Variants in C1orf87 observed in about 807,000 individuals in gnomAD.
C1orf87 encodes uncharacterized protein C1orf87.
C1orf87 carries 58 observed loss-of-function variants against 60.5 expected under a neutral mutation model. That is an observed-to-expected ratio of 0.96 (90% CI 0.78 to 1.19). The LOEUF (loss-of-function observed/expected upper bound fraction) is 1.19. C1orf87 is among the 50% of genes most tolerant of loss of function. The probability of loss-of-function intolerance (pLI) is 0.00; values close to 1 mark genes in which losing one functional copy is unlikely to be tolerated. For missense variants in C1orf87, 673 were observed against 638.6 expected, an observed-to-expected ratio of 1.05 and a Z score of -0.58; for synonymous variants, 236 against 227.4, an observed-to-expected ratio of 1.04 and a Z score of -0.34.
intron 2 of C1orf87, among the ~76,000 whole-genome samples, chr1:60,059,006 C>A (rs1311711087): frequency 6.6e-6 from 1 of 152,122 alleles, no homozygotes. Flanking sequence ...AATGTATCTG[C>A]CTGTCTTTTA....
chr1:60,001,100 A>G lies in C1orf87; in HGVS notation c.1249T>C (p.Ser417Pro), dbSNP rs1263887909. 6.2e-7 allele frequency: 1 copy of G among 1,609,068 alleles called. No individual in the cohort carries two copies. Among genetic ancestry groups the G allele is most frequent in the African/African-American group, 1.3e-5 (1 of 74,472 alleles). Residue 417 changes from serine to proline, a missense_variant, in exon 10 of 12, where the codon TCT (serine) becomes CCT (proline). Coordinates refer to ENST00000371201, the MANE Select transcript of C1orf87 (RefSeq NM_152377.3). ...ACCATATGTTCAGTTTTGCTTTGAG[A>G]CATCTCGGGGACTTCAGGCTCCATT... ...PPMEPEVPEMSQSKTEHMKTP... is the reference protein window; with the variant it reads ...PPMEPEVPEMPQSKTEHMKTP...
intron 2 of C1orf87, among the ~76,000 whole-genome samples, chr1:60,060,114 A>G (rs1419879087): frequency 6.7e-6 from 1 of 149,492 alleles, no homozygotes; most frequent in Non-Finnish European, 1.5e-5. Flanking sequence ...ATGTCATGGA[A>G]CCATACCATG....
chr1:60,058,841 A>G (rs1392740039), intron 2 of C1orf87, among the ~76,000 whole-genome samples: 9 of 152,198 alleles, frequency 5.9e-5, no homozygotes, highest in Non-Finnish European at 1.5e-5. Flanking sequence ...GCAGGTAACC[A>G]AAGTAGGAAG....
At chr1:60,068,793 C>T (rs1645565539) in intron 2 of C1orf87, among the ~76,000 whole-genome samples, 1 of 152,102 alleles carries the variant, frequency 6.6e-6, no homozygotes, top group Non-Finnish European at 1.5e-5. Context: ...GTCCACAAGC[C>T]TCTGACTCTG....
intron 10 of C1orf87, among the ~76,000 whole-genome samples, chr1:59,998,654 T>C (rs1371524386): frequency 6.6e-6 from 1 of 152,128 alleles, no homozygotes. Flanking sequence ...GGGCATCTAA[T>C]ACAAAATGAA....
intron 1 of C1orf87, among the ~76,000 whole-genome samples, chr1:60,073,466 G>A (rs987256038): frequency 6.6e-6 from 1 of 152,202 alleles, no homozygotes; most frequent in Non-Finnish European, 1.5e-5. Flanking sequence ...TGAAGGACGG[G>A]ACTGTTTCCA....
At chr1:60,020,010 G>T (rs781315315) in intron 8 of C1orf87, among the ~76,000 whole-genome samples, 1 of 152,200 alleles carries the variant, frequency 6.6e-6, no homozygotes, top group Admixed American at 6.5e-5. Context: ...CATTTTCTGG[G>T]GAGAAAGTCA....
intron 8 of C1orf87, among the ~76,000 whole-genome samples, chr1:60,022,851 T>C (rs1041201042): frequency 6.6e-6 from 1 of 152,168 alleles, no homozygotes; most frequent in Non-Finnish European, 1.5e-5. Flanking sequence ...CCAAGACAGC[T>C]ACTAAGTGAT....
At chr1:60,019,818 T>A (rs571506003) in intron 8 of C1orf87, among the ~76,000 whole-genome samples, 83 of 152,302 alleles carry the variant, frequency 5.4e-4, no homozygotes, top group Middle Eastern at 3.4e-3. Context: ...ATTTAGGGTA[T>A]CTGGCAGAAG....
intron 3 of C1orf87, among the ~76,000 whole-genome samples, chr1:60,046,324 C>T (rs1645368902): frequency 7.5e-6 from 1 of 133,300 alleles, no homozygotes; most frequent in Non-Finnish European, 1.6e-5. Flanking sequence ...TACCCTCCCT[C>T]CCTCTCTCCC....
At chr1:59,996,002 G>A (rs890165495) in intron 11 of C1orf87, among the ~76,000 whole-genome samples, 2 of 151,976 alleles carry the variant, frequency 1.3e-5, no homozygotes, top group South Asian at 2.1e-4. Context: ...GGCTCATAAC[G>A]TATTTTTAAT....
At chr1:60,057,304 G>A (rs1261726815) in intron 2 of C1orf87, among the ~76,000 whole-genome samples, 1 of 152,166 alleles carries the variant, frequency 6.6e-6, no homozygotes, top group Non-Finnish European at 1.5e-5. Context: ...GGTAATGTAG[G>A]TGGATGCTAG....
At chr1:60,061,776 C>CAAA (rs57844722) in intron 2 of C1orf87, among the ~76,000 whole-genome samples, 1,589 of 53,136 alleles carry the variant, frequency 0.03, 234 homozygotes, top group Non-Finnish European at 0.042. Context: ...CCATCTCTAC[C>CAAA]AAAAAAAAAA....
Position 59,990,840 on chromosome 1 carries a change from T to C in C1orf87, c.1481-7A>G. ...CGTTCCTTCTCCAGAACTCCTGTGA[T>C]TGGATTGGGTAGGAGGAAGGTTTTT... is the stretch of plus-strand genomic sequence containing the variant. On this transcript the variant is annotated splice_polypyrimidine_tract_variant and splice_region_variant and intron_variant, in intron 11 of 11. Transcript: ENST00000371201. 1.9e-6 allele frequency: 3 copies of C among 1,613,530 alleles called. No homozygotes were observed. Among genetic ancestry groups the C allele is most frequent in the Non-Finnish European group, 2.5e-6 (3 of 1,179,650 alleles).
At chr1:60,050,359 T>C (rs1645405256) in intron 3 of C1orf87, among the ~76,000 whole-genome samples, 1 of 152,062 alleles carries the variant, frequency 6.6e-6, no homozygotes, top group Non-Finnish European at 1.5e-5. Context: ...AGTTTATGTC[T>C]TGGCATTTGA....
intron 4 of C1orf87, among the ~76,000 whole-genome samples, chr1:60,040,773 T>TG (rs1645317715): frequency 8.1e-6 from 1 of 124,080 alleles, no homozygotes; most frequent in African/African-American, 3.2e-5. Context: ...TTTTTTTTTT[T>TG]GTAGAGATGG....
At chr1:60,016,583 A>C (rs1645125952) in intron 8 of C1orf87, among the ~76,000 whole-genome samples, 1 of 152,180 alleles carries the variant, frequency 6.6e-6, no homozygotes, top group South Asian at 2.1e-4. Context: ...AGATGGGAAA[A>C]TTAAGGTTAA....
intron 2 of C1orf87, among the ~76,000 whole-genome samples, chr1:60,064,629 T>A (rs1203666750): frequency 1.5e-4 from 5 of 32,318 alleles, no homozygotes; most frequent in Non-Finnish European, 2.0e-4. Flanking sequence ...ATCATATATA[T>A]AAATATATAT....
chr1:60,054,883 A>T (rs1307811256), intron 3 of C1orf87, among the ~76,000 whole-genome samples: 2 of 152,106 alleles, frequency 1.3e-5, no homozygotes, highest in African/African-American at 4.8e-5. Context: ...ACCCTCCAAC[A>T]CGCCCCAACT....
Sources: gnomAD v4.1 joint callset for allele counts (sites outside exome capture counted in the v4.1 genomes callset) on GRCh38, gnomAD v4.1.1 for gene constraint, MANE v1.5 for transcripts, NCBI Gene and HGNC (gene_info 2026-07-23, HGNC 2026-07-21) for gene names.